CFAP61: variants seen among roughly 807,000 people sequenced by gnomAD.
CFAP61 encodes the protein cilia and flagella associated protein 61, also known as cilia- and flagella-associated protein 61.
A neutral mutation model predicts 135.6 loss-of-function variants in CFAP61; 107 were observed. That is an observed-to-expected ratio of 0.79 (90% CI 0.67 to 0.93). CFAP61 has a LOEUF of 0.93. CFAP61 is among the 40% of genes least tolerant of loss of function. The pLI is 0.00. For synonymous variants in CFAP61, 575 were observed against 578.5 expected (o/e 0.99, Z 0.09); for missense variants, 1,507 against 1,556.2 (o/e 0.97, Z 0.53).
chr20:20,256,538 C>G (rs1295020803), intron 20 of CFAP61, among the ~76,000 whole-genome samples: 1 of 151,970 alleles, frequency 6.6e-6, no homozygotes, highest in East Asian at 1.9e-4. Context: ...GAAGGCCACA[C>G]ATAAAAAAGG....
intron 26 of CFAP61, among the ~76,000 whole-genome samples, chr20:20,344,368 T>C (rs1458736454): frequency 1.3e-5 from 2 of 152,110 alleles, no homozygotes; most frequent in Non-Finnish European, 2.9e-5. Context: ...CAATCAGATA[T>C]ACAGGAATTT....
intron 24 of CFAP61, among the ~76,000 whole-genome samples, chr20:20,297,625 C>G (rs553485322): frequency 3.3e-5 from 5 of 152,328 alleles, no homozygotes; most frequent in East Asian, 1.9e-4. Context: ...AGAAAACCAC[C>G]TGCAGAATGT....
At chr20:20,225,086 G>T (rs1369138542) in intron 17 of CFAP61, among the ~76,000 whole-genome samples, 1 of 152,104 alleles carries the variant, frequency 6.6e-6, no homozygotes, top group Non-Finnish European at 1.5e-5. Context: ...TAGTTTGAAG[G>T]AACATAAAGG....
intron 13 of CFAP61, among the ~76,000 whole-genome samples, chr20:20,177,680 G>A (rs779771762): frequency 6.6e-6 from 1 of 150,646 alleles, no homozygotes; most frequent in Non-Finnish European, 1.5e-5. Flanking sequence ...CTCACGGGGG[G>A]CCTGCATTCT....
Position 20,288,512 on chromosome 20 carries a change from G to A in CFAP61, c.2797-97G>A, listed in dbSNP as rs1038271815. On this transcript the variant is annotated intron_variant, in intron 22 of 26. Transcript: ENST00000245957. ...AAACTTTTAGTATGTGTATTTTTGT[G>A]CCCCGAATAATAAAATGCCCTGGAG... 8 of 906,580 alleles carry A rather than the reference G, an allele frequency of 8.8e-6. No homozygotes were observed. The Admixed American group carries it at 1.6e-4, about 18-fold the overall frequency. The allele number at this position is 906,580 out of a possible 1,614,324, so 56.2% of individuals were successfully genotyped here.
At chr20:20,246,723 T>TTTCA (rs1569186118) in intron 19 of CFAP61, among the ~76,000 whole-genome samples, 1 of 152,240 alleles carries the variant, frequency 6.6e-6, no homozygotes, top group African/African-American at 2.4e-5. Context: ...ATCACATAGC[T>TTTCA]TTCATTCATT....
chr20:20,321,545 G>A lies in CFAP61; in HGVS notation c.3423-20286G>A, dbSNP rs538514451. On this transcript the variant is annotated intron_variant, in intron 25 of 26. Coordinates refer to ENST00000245957, the MANE Select transcript of CFAP61 (RefSeq NM_015585.4). ...ATGGTTGTATCTAACAGGACAAAGG[G>A]CAGAGATAAGACTAGGTTTTGGGAA... 4.5e-4 allele frequency among the ~76,000 whole-genome samples: 69 copies of A among 152,292 alleles called. No homozygotes were observed. In the South Asian group the frequency reaches 0.014, roughly 31 times the overall value.
intron 8 of CFAP61, among the ~76,000 whole-genome samples, chr20:20,102,035 A>G (rs997175701): frequency 2.0e-5 from 3 of 151,690 alleles, no homozygotes; most frequent in African/African-American, 4.8e-5. Context: ...GCTCCAAACA[A>G]CTCCTATCTG....
chr20:20,074,480 G>A (rs932308144), intron 4 of CFAP61, 102 bp downstream of exon 4: 11 of 980,666 alleles, frequency 1.1e-5, no homozygotes, highest in Admixed American at 5.9e-5. Flanking sequence ...TGTTTAATTT[G>A]CTTGTAATTT....
chr20:20,314,209 C>T (rs1487570460), intron 25 of CFAP61, among the ~76,000 whole-genome samples: 3 of 136,844 alleles, frequency 2.2e-5, no homozygotes, highest in Non-Finnish European at 4.7e-5. Flanking sequence ...CATAGTGAGA[C>T]CCCATCTCTA....
At chr20:20,105,125 T>A (rs1007783108) in intron 8 of CFAP61, among the ~76,000 whole-genome samples, 1 of 152,118 alleles carries the variant, frequency 6.6e-6, no homozygotes, top group Non-Finnish European at 1.5e-5. Flanking sequence ...GGGGAATGTT[T>A]GGATGTCTAC....
At chr20:20,332,846 C>G (rs550242083) in intron 25 of CFAP61, among the ~76,000 whole-genome samples, 1 of 152,258 alleles carries the variant, frequency 6.6e-6, no homozygotes, top group African/African-American at 2.4e-5. Flanking sequence ...GTCTCAAGCT[C>G]CTGTCCTCAA....
intron 8 of CFAP61, among the ~76,000 whole-genome samples, chr20:20,104,394 T>G (rs1370597541): frequency 6.6e-6 from 1 of 152,206 alleles, no homozygotes; most frequent in Non-Finnish European, 1.5e-5. Context: ...AGACCCACTC[T>G]CCCTGTGTCG....
In CFAP61 at chr20:20,107,216, G is replaced by C. The variant is rs566926329; in HGVS notation, c.859+8402G>C. The stretch of plus-strand genomic sequence containing the variant: ...CGGCTAAGGAAGCAATTACTGAAAA[G>C]CACAGTTTTTGCACATGGCAACAAA... On this transcript the variant is annotated intron_variant, in intron 8 of 26. Transcript: ENST00000245957. Among the ~76,000 whole-genome samples the C allele has an allele frequency of 3.5e-4, 53 of 152,296 alleles. No individual in the cohort carries two copies. The South Asian group carries it at 0.011, about 32-fold the overall frequency.
At chr20:20,171,864 A>G in intron 13 of CFAP61, 1 of 667,580 alleles carries the variant, frequency 1.5e-6, no homozygotes, top group South Asian at 1.7e-5. Flanking sequence ...ACCCACGGCC[A>G]GAGTGGACTT....
At chr20:20,159,590 G>A (rs2053229081) in intron 10 of CFAP61, 146 bp downstream of exon 10, 1 of 662,900 alleles carries the variant, frequency 1.5e-6, no homozygotes, top group Admixed American at 2.4e-5. Context: ...TTTAGGACTT[G>A]CTGCACCAAG....
At chr20:20,054,013 GT>G (rs1239349657) in intron 1 of CFAP61, among the ~76,000 whole-genome samples, 1,610 of 59,126 alleles carry the variant, frequency 0.027, 21 homozygotes, top group African/African-American at 0.081. Context: ...TTTTTTGTTT[GT>G]TTTTTTTTTT....
At chr20:20,176,764 A>T (rs1167092206) in intron 13 of CFAP61, among the ~76,000 whole-genome samples, 2 of 152,176 alleles carry the variant, frequency 1.3e-5, no homozygotes, top group African/African-American at 4.8e-5. Flanking sequence ...TAGCTAATGC[A>T]TGCTGGGCTT....
chr20:20,070,332 G>T (rs1205611389), intron 2 of CFAP61, among the ~76,000 whole-genome samples: 2 of 152,172 alleles, frequency 1.3e-5, no homozygotes, highest in Non-Finnish European at 2.9e-5. Flanking sequence ...TGGAGGAATT[G>T]CTTGAGAATG....
Sources: gnomAD v4.1 joint callset for allele counts (sites outside exome capture counted in the v4.1 genomes callset) on GRCh38, gnomAD v4.1.1 for gene constraint, MANE v1.5 for transcripts, NCBI Gene and HGNC (gene_info 2026-07-23, HGNC 2026-07-21) for gene names.